Variants in GLI3 observed in about 807,000 individuals in gnomAD.
The protein encoded by GLI3 is GLI family zinc finger 3.
A neutral mutation model predicts 100.8 loss-of-function variants in GLI3; 20 were observed. The observed-to-expected ratio is 0.20, with a 90% CI of 0.14 to 0.29. The LOEUF (loss-of-function observed/expected upper bound fraction) is 0.29. Ranked by LOEUF, GLI3 falls within the 10% of genes least tolerant of loss-of-function variation. The probability of loss-of-function intolerance (pLI) is 1.00; values close to 1 mark genes in which losing one functional copy is unlikely to be tolerated. For missense variants in GLI3, 2,040 were observed against 2,128.5 expected (o/e 0.96, Z 0.82); for synonymous variants, 938 against 860.5 (o/e 1.09, Z -1.58).
intron 1 of GLI3, among the ~76,000 whole-genome samples, chr7:42,260,359 T>C (rs1006699746): frequency 1.4e-4 from 22 of 152,350 alleles, no homozygotes; most frequent in South Asian, 8.3e-4. Context: ...CCATTTATTA[T>C]TTTACGCATT....
upstream of GLI3, among the ~76,000 whole-genome samples, chr7:42,238,847 G>A (rs1023517010): frequency 6.6e-6 from 1 of 152,258 alleles, no homozygotes; most frequent in African/African-American, 2.4e-5. Flanking sequence ...GGTCCACCCA[G>A]CCAGAAGTGC....
intron 1 of GLI3, among the ~76,000 whole-genome samples, chr7:42,248,003 TACA>T (rs1788992876): frequency 1.3e-5 from 2 of 152,186 alleles, no homozygotes; most frequent in African/African-American, 4.8e-5. Context: ...CATGAAGAAA[TACA>T]ATGAGTGTTT....
At chr7:42,013,477 C>A (rs1484928347) in intron 10 of GLI3, among the ~76,000 whole-genome samples, 11 of 151,970 alleles carry the variant, frequency 7.2e-5, no homozygotes, top group Non-Finnish European at 1.5e-4. Context: ...ATTGCAGCCA[C>A]CTCAGCCTCT....
chr7:42,006,460 T>C (rs1788463423), intron 10 of GLI3, among the ~76,000 whole-genome samples: 1 of 152,208 alleles, frequency 6.6e-6, no homozygotes, highest in Non-Finnish European at 1.5e-5. Context: ...CCCTCCCTAG[T>C]CACAATGCAG....
intron 3 of GLI3, among the ~76,000 whole-genome samples, chr7:42,116,854 CA>C (rs1475758339): frequency 6.8e-6 from 1 of 147,424 alleles, no homozygotes; most frequent in Admixed American, 6.7e-5. Flanking sequence ...ATTATGGTCT[CA>C]TAAGACCGAG....
At chr7:42,251,921 C>T (rs1452066786) in intron 1 of GLI3, among the ~76,000 whole-genome samples, 4 of 152,024 alleles carry the variant, frequency 2.6e-5, no homozygotes, top group Non-Finnish European at 4.4e-5. Context: ...ACTCATGAAA[C>T]AGTTGCATCA....
chr7:42,243,045 G>A (rs1788940800), intron 1 of GLI3, among the ~76,000 whole-genome samples: 1 of 152,100 alleles, frequency 6.6e-6, no homozygotes, highest in East Asian at 1.9e-4. Flanking sequence ...CAGAGGGAGA[G>A]GTTAACATGA....
intron 3 of GLI3, among the ~76,000 whole-genome samples, chr7:42,118,550 C>A (rs1299982150): frequency 6.6e-6 from 1 of 152,176 alleles, no homozygotes; most frequent in Non-Finnish European, 1.5e-5. Flanking sequence ...TTCTGTGGGG[C>A]CCAGGGGGCC....
intron 2 of GLI3, among the ~76,000 whole-genome samples, chr7:42,181,033 T>G (rs148272171): frequency 1.3e-5 from 2 of 152,214 alleles, no homozygotes; most frequent in Non-Finnish European, 2.9e-5. Flanking sequence ...GTTGTAATTC[T>G]GCAACTCTGC....
intron 2 of GLI3, among the ~76,000 whole-genome samples, chr7:42,177,985 C>T (rs913393264): frequency 6.6e-6 from 1 of 152,184 alleles, no homozygotes; most frequent in Non-Finnish European, 1.5e-5. Flanking sequence ...GATAAAATGG[C>T]TTCGCCTTCA....
At chr7:42,124,036 G>C (rs896442702) in intron 3 of GLI3, among the ~76,000 whole-genome samples, 1 of 151,806 alleles carries the variant, frequency 6.6e-6, no homozygotes, top group African/African-American at 2.4e-5. Flanking sequence ...TGCTTTGTTC[G>C]ACTCTCCCAC....
chr7:42,210,344 C>T (rs1202273105), intron 2 of GLI3, among the ~76,000 whole-genome samples: 1 of 129,026 alleles, frequency 7.8e-6, no homozygotes, highest in Non-Finnish European at 1.6e-5. Context: ...GAAAGCCCCC[C>T]CCCCCCCCCC....
intron 2 of GLI3, among the ~76,000 whole-genome samples, chr7:42,212,502 G>A (rs928614239): frequency 6.6e-6 from 1 of 152,138 alleles, no homozygotes; most frequent in Non-Finnish European, 1.5e-5. Context: ...ATATTTAAAA[G>A]GGAAAGGTTG....
chr7:42,219,824 C>T (rs1159934617), intron 2 of GLI3, among the ~76,000 whole-genome samples: 3 of 150,842 alleles, frequency 2.0e-5, no homozygotes, highest in Non-Finnish European at 4.4e-5. Context: ...ATGCAGGTAT[C>T]ACATTCATTT....
chr7:42,112,947 C>A (rs1311331235), intron 3 of GLI3, among the ~76,000 whole-genome samples: 1 of 152,050 alleles, frequency 6.6e-6, no homozygotes, highest in African/African-American at 2.4e-5. Flanking sequence ...CCGAGGTGGG[C>A]GGATCACTTG....
intron 3 of GLI3, among the ~76,000 whole-genome samples, chr7:42,088,700 T>G (rs1311548499): frequency 6.6e-6 from 1 of 152,216 alleles, no homozygotes; most frequent in African/African-American, 2.4e-5. Context: ...GAATTCAGTT[T>G]GCCAGCGTTC....
chr7:42,059,041 G>C (rs1784517233), intron 4 of GLI3, among the ~76,000 whole-genome samples: 1 of 152,192 alleles, frequency 6.6e-6, no homozygotes. Flanking sequence ...GCATGGGACT[G>C]CGTTCTATCC....
intron 1 of GLI3, among the ~76,000 whole-genome samples, chr7:42,225,811 G>A (rs1178273239): frequency 6.6e-6 from 1 of 152,198 alleles, no homozygotes; most frequent in Admixed American, 6.5e-5. Context: ...CCATCACAAT[G>A]ATAAACTCTC....
intron 1 of GLI3, among the ~76,000 whole-genome samples, chr7:42,224,894 TACTTTG>T (rs1228050132): frequency 6.6e-6 from 1 of 152,208 alleles, no homozygotes. Context: ...ATCTGACCTT[TACTTTG>T]GGCGGGAGGA....
Sources: allele counts gnomAD v4.1 joint callset (sites outside exome capture counted in the v4.1 genomes callset), GRCh38; gene constraint gnomAD v4.1.1; transcripts MANE v1.5; gene names NCBI Gene and HGNC (gene_info 2026-07-23, HGNC 2026-07-21).